Variants in CRYL1 observed in about 807,000 individuals in gnomAD.
CRYL1 encodes crystallin lambda 1.
CRYL1 carries 29 observed loss-of-function variants against 36.6 expected under a neutral mutation model. The observed-to-expected ratio is 0.79, with a 90% CI of 0.59 to 1.08. The LOEUF (loss-of-function observed/expected upper bound fraction) is 1.08, where lower values mean the gene tolerates loss of function less well. CRYL1 is among the 50% of genes least tolerant of loss of function. CRYL1 has a pLI of 0.00. For synonymous variants in CRYL1, 152 were observed against 151.5 expected (o/e 1.00, Z -0.02); for missense variants, 411 against 407.9 (o/e 1.01, Z -0.06).
chr13:20,507,205 C>T (rs946625792), intron 2 of CRYL1, among the ~76,000 whole-genome samples: 4 of 152,138 alleles, frequency 2.6e-5, no homozygotes, highest in African/African-American at 9.7e-5. Context: ...CAGACTAATA[C>T]CGGATGGTTT....
rs374434288 is a variant in CRYL1 at position 20,413,328 on chromosome 13, C to A, written c.693G>T (p.Arg231=). Residue 231 remains arginine, a synonymous_variant, in exon 6 of 8, where the codon CGG becomes CGT. Transcript: ENST00000298248. ...DLVMSEGLGM[R]YAFIGPLETM... ...TTTCCAGGGGTCCAATGAATGCATACCGCATGCCCAACCCTTCTGACATGA... is the reference window on the plus strand; with the variant it reads ...TTTCCAGGGGTCCAATGAATGCATAACGCATGCCCAACCCTTCTGACATGA... The A allele has an allele frequency of 1.6e-4, 258 of 1,613,872 alleles. No homozygotes were observed. Among genetic ancestry groups the A allele is most frequent in the Admixed American group, 2.7e-4 (16 of 59,956 alleles).
At chr13:20,465,946 GAAA>G (rs71198984) in intron 3 of CRYL1, among the ~76,000 whole-genome samples, 9 of 134,222 alleles carry the variant, frequency 6.7e-5, no homozygotes, top group African/African-American at 1.6e-4. Flanking sequence ...AGAGCTGGTT[GAAA>G]AAAAAAAAAA....
chr13:20,475,446 A>C (rs1182947424), intron 3 of CRYL1, among the ~76,000 whole-genome samples: 1 of 152,198 alleles, frequency 6.6e-6, no homozygotes, highest in Non-Finnish European at 1.5e-5. Context: ...GAAAAACAGC[A>C]GTAGATAAAG....
At chr13:20,508,848 C>CAAAAAAAAAAAAA (rs1179533995) in intron 2 of CRYL1, among the ~76,000 whole-genome samples, 4 of 10,452 alleles carry the variant, frequency 3.8e-4, no homozygotes, top group African/African-American at 1.3e-3. Context: ...AGCGAGACTC[C>CAAAAAAAAAAAAA]AAAAAAAAAA....
intron 2 of CRYL1, among the ~76,000 whole-genome samples, chr13:20,493,907 G>A (rs1220858630): frequency 2.0e-5 from 3 of 152,166 alleles, no homozygotes; most frequent in Non-Finnish European, 4.4e-5. Context: ...CTGTTTCTGC[G>A]ACAAAGATGC....
At chr13:20,439,954 C>T in intron 3 of CRYL1, 200 bp from the exon 4 acceptor site, 1 of 514,602 alleles carries the variant, frequency 1.9e-6, no homozygotes, top group South Asian at 3.0e-5. Context: ...GCTCTCTCCT[C>T]CCCTAAAGCA....
intron 6 of CRYL1, among the ~76,000 whole-genome samples, chr13:20,407,671 C>T (rs1188283066): frequency 1.3e-5 from 2 of 152,130 alleles, no homozygotes; most frequent in Admixed American, 6.5e-5. Flanking sequence ...CTAATTCTTC[C>T]AAAACCCTTG....
intron 5 of CRYL1, among the ~76,000 whole-genome samples, chr13:20,416,921 T>G (rs1249068448): frequency 6.6e-6 from 1 of 152,176 alleles, no homozygotes. Flanking sequence ...AGGAGGGCTG[T>G]GGGTCTTCCA....
chr13:20,467,447 T>C (rs559828183), intron 3 of CRYL1, among the ~76,000 whole-genome samples: 78 of 152,304 alleles, frequency 5.1e-4, no homozygotes, highest in African/African-American at 1.7e-3. Context: ...ATTGGATGGA[T>C]ATACATGAGT....
intron 3 of CRYL1, among the ~76,000 whole-genome samples, chr13:20,485,913 T>TTTTGTTTG (rs71077707): frequency 2.0e-5 from 3 of 151,538 alleles, no homozygotes; most frequent in East Asian, 1.9e-4. Context: ...TCTCATAATA[T>TTTTGTTTG]TTTGTTTGTT....
intron 5 of CRYL1, among the ~76,000 whole-genome samples, chr13:20,429,310 T>C (rs1166964400): frequency 6.6e-6 from 1 of 152,210 alleles, no homozygotes; most frequent in Non-Finnish European, 1.5e-5. Flanking sequence ...AGCTCAACTA[T>C]TGAAAGACTC....
intron 3 of CRYL1, among the ~76,000 whole-genome samples, chr13:20,475,473 T>C (rs2033146800): frequency 6.6e-6 from 1 of 152,162 alleles, no homozygotes; most frequent in Admixed American, 6.5e-5. Flanking sequence ...AAAATATTCC[T>C]GAGGTGTGCA....
rs571187712 is a variant in CRYL1, at chr13:20,507,693, C to T, written c.149+4750G>A. 3.7e-3 allele frequency among the ~76,000 whole-genome samples: 561 copies of T among 152,132 alleles called. 5 individuals are homozygous for T. The highest frequency in any genetic ancestry group is 0.029 in the East Asian group (149 of 5,160). On this transcript the variant is annotated intron_variant, in intron 2 of 7. Transcript: ENST00000298248. ...CAGCACTTTGGGAGGCCAAGGCAGGCGGATCACAAGGTCAGGAGATCGAGA... is the reference window on the plus strand; with the variant it reads ...CAGCACTTTGGGAGGCCAAGGCAGGTGGATCACAAGGTCAGGAGATCGAGA...
rs114753434 is a variant in CRYL1 at position 20,420,496 on chromosome 13, G to A, written c.634-7109C>T. Among the ~76,000 whole-genome samples, 180 of 145,154 alleles carry A rather than the reference G, an allele frequency of 1.2e-3. 1 individual carries two copies. The highest frequency in any genetic ancestry group is 3.5e-3 in the African/African-American group (140 of 39,600). On this transcript the variant is annotated intron_variant, in intron 5 of 7. Transcript: ENST00000298248. ...CTGAGGCCTGACCTTAAAACATCCC[G>A]CAGTAAGGGAAAGATTGGATTTAAA...
chr13:20,483,546 C>T (rs898946480), intron 3 of CRYL1, among the ~76,000 whole-genome samples: 6 of 151,888 alleles, frequency 4.0e-5, no homozygotes, highest in African/African-American at 1.5e-4. Context: ...TTTGGTTTGT[C>T]TGTTTGTTTT....
At chr13:20,421,084 G>A (rs1392711776) in intron 5 of CRYL1, among the ~76,000 whole-genome samples, 1 of 151,734 alleles carries the variant, frequency 6.6e-6, no homozygotes, top group Non-Finnish European at 1.5e-5. Flanking sequence ...AAATGGAAAG[G>A]AAAGAGAGGA....
At chr13:20,411,317 T>A (rs1187532662) in intron 6 of CRYL1, among the ~76,000 whole-genome samples, 1 of 152,208 alleles carries the variant, frequency 6.6e-6, no homozygotes, top group African/African-American at 2.4e-5. Context: ...TCGTATCTGC[T>A]TTGTTTGAAA....
intron 5 of CRYL1, among the ~76,000 whole-genome samples, chr13:20,414,315 A>G (rs181209811): frequency 6.8e-4 from 103 of 152,064 alleles, no homozygotes; most frequent in African/African-American, 2.4e-3. Context: ...CCATCCCTGC[A>G]ATCTACTAGG....
chr13:20,514,394 A>G (rs2033965999), intron 1 of CRYL1, among the ~76,000 whole-genome samples: 1 of 152,250 alleles, frequency 6.6e-6, no homozygotes, highest in South Asian at 2.1e-4. Flanking sequence ...CATCATGAGA[A>G]GAACATCGGA....
Sources: gnomAD v4.1 joint callset for allele counts (sites outside exome capture counted in the v4.1 genomes callset) on GRCh38, gnomAD v4.1.1 for gene constraint, MANE v1.5 for transcripts, NCBI Gene and HGNC (gene_info 2026-07-23, HGNC 2026-07-21) for gene names.